DAGLA: variants seen among roughly 807,000 people sequenced by gnomAD.
DAGLA encodes diacylglycerol lipase-alpha.
DAGLA carries 22 observed loss-of-function variants against 102.6 expected under a neutral mutation model. The observed-to-expected ratio is 0.21, with a 90% CI of 0.15 to 0.31. The LOEUF (loss-of-function observed/expected upper bound fraction) is 0.31. Ranked by LOEUF, DAGLA falls within the 10% of genes least tolerant of loss-of-function variation. DAGLA has a pLI of 1.00. For synonymous variants in DAGLA, 578 were observed against 628.9 expected (o/e 0.92, Z 1.21); for missense variants, 927 against 1,446.6 (o/e 0.64, Z 5.83).
At position 61,720,225 on chromosome 11, in the gene DAGLA, T is replaced by C; in HGVS notation, c.70T>C (p.Phe24Leu). 1.2e-6 allele frequency: 2 copies of C among 1,613,920 alleles called. No individual in the cohort carries two copies. The highest frequency in any genetic ancestry group is 1.7e-6 in the Non-Finnish European group (2 of 1,180,018). Residue 24 changes from phenylalanine to leucine, a missense_variant, in exon 2 of 20, where the codon TTC becomes CTC. Coordinates refer to ENST00000257215, the MANE Select transcript of DAGLA (RefSeq NM_006133.3). ...GSDDLVLPAIFLFLLHTTWFV... is the reference protein window; with the variant it reads ...GSDDLVLPAILLFLLHTTWFV... Reference sequence around the variant, plus strand: ...TGATGACCTCGTCCTACCGGCCATCTTCCTCTTTCTCCTGCATACCACCTG... The same window carrying C: ...TGATGACCTCGTCCTACCGGCCATCCTCCTCTTTCTCCTGCATACCACCTG...
intron 16 of DAGLA, among the ~76,000 whole-genome samples, chr11:61,738,991 G>T (rs2135604774): frequency 6.6e-6 from 1 of 152,364 alleles, no homozygotes; most frequent in South Asian, 2.1e-4. Flanking sequence ...GTGGGACTTT[G>T]CCTGCCTGGA....
chr11:61,716,375 G>C lies in DAGLA; in HGVS notation c.-44-3737G>C, dbSNP rs1324884687. Among the ~76,000 whole-genome samples the C allele has an allele frequency of 4.6e-5, 7 of 152,162 alleles. No individual in the cohort carries two copies. The East Asian group carries it at 1.3e-3, about 29-fold the overall frequency. On this transcript the variant is annotated intron_variant, in intron 1 of 19. Coordinates refer to ENST00000257215, the MANE Select transcript of DAGLA (RefSeq NM_006133.3). ...CTGTCAGGGAGGGCTTCAAAGAGGA[G>C]GTGACTTTTAGCTGACCTAGAGAGA...
chr11:61,688,671 T>C (rs2065003453), intron 1 of DAGLA, among the ~76,000 whole-genome samples: 2 of 152,146 alleles, frequency 1.3e-5, no homozygotes, highest in Non-Finnish European at 2.9e-5. Flanking sequence ...GGGCCCTGCT[T>C]CCTCTCCCAT....
In DAGLA at chr11:61,734,793, A is replaced by G; in HGVS notation, c.975-56A>G. On this transcript the variant is annotated intron_variant, in intron 9 of 19. Transcript: ENST00000257215. This position sits in a 1 kb window ranked among gnomAD's most constrained non-coding sequence, Gnocchi z 4.2. ...CTGGTTCCAGGGACAGTGGCAGGAG[A>G]CATTTGTTCCCTCGGGGACTCCCTG... 1 of 1,531,162 alleles carries G rather than the reference A, an allele frequency of 6.5e-7. No individual in the cohort carries two copies. The highest frequency in any genetic ancestry group is 8.9e-7 in the Non-Finnish European group (1 of 1,119,416). 94.8% of individuals were successfully genotyped at this position (1,531,162 alleles called of 1,614,324 possible). A position where few individuals can be genotyped will look rare whatever the true frequency, so the allele number is the denominator to read the frequency against.
intron 1 of DAGLA, among the ~76,000 whole-genome samples, chr11:61,711,814 G>A (rs1161948908): frequency 6.6e-6 from 1 of 152,224 alleles, no homozygotes; most frequent in African/African-American, 2.4e-5. Context: ...CACAGGCCCT[G>A]CAACCTCAGG....
intron 1 of DAGLA, among the ~76,000 whole-genome samples, chr11:61,709,338 G>A (rs959240476): frequency 6.6e-6 from 1 of 152,118 alleles, no homozygotes; most frequent in African/African-American, 2.4e-5. Context: ...TCCACCTCCC[G>A]GTTCAAGCAA....
intron 5 of DAGLA, 118 bp from the exon 6 acceptor site, chr11:61,725,877 T>C (rs1472071400): frequency 2.1e-6 from 2 of 935,944 alleles, no homozygotes; most frequent in Non-Finnish European, 3.4e-6. Flanking sequence ...CAGAACCCAC[T>C]GCGGGAACCC....
At chr11:61,729,729 C>T (rs1040401371) in intron 8 of DAGLA, among the ~76,000 whole-genome samples, 1 of 152,156 alleles carries the variant, frequency 6.6e-6, no homozygotes, top group Admixed American at 6.5e-5. Context: ...TGCCAGGAAG[C>T]CTCGGTGCCA....
rs2065516151 is a variant in DAGLA at position 61,744,344 on chromosome 11, G to A, written c.2984G>A (p.Ser995Asn). The change falls in exon 20 of 20, where the codon AGC (serine) becomes AAC (asparagine). Residue 995 changes from serine to asparagine, a missense_variant. Ser to Asn is a conservative substitution (Grantham distance 46, BLOSUM62 1). Coordinates refer to ENST00000257215, the MANE Select transcript of DAGLA (RefSeq NM_006133.3). ...GISLSPSFPL[S>N]SSGELMDLTP... ...TCACTCTCGCCCTCCTTCCCGCTCA[G>A]CTCCTCGGGTGAGCTCATGGACCTG... is the stretch of plus-strand genomic sequence containing the variant. 1 of 1,612,518 alleles carries A rather than the reference G, an allele frequency of 6.2e-7. No homozygotes were observed. Among genetic ancestry groups the A allele is most frequent in the Non-Finnish European group, 8.5e-7 (1 of 1,179,766 alleles).
chr11:61,697,754 C>G (rs918969816), intron 1 of DAGLA, among the ~76,000 whole-genome samples: 1 of 152,090 alleles, frequency 6.6e-6, no homozygotes, highest in Non-Finnish European at 1.5e-5. Context: ...AATCATAGCT[C>G]AGTGCACTCA....
At chr11:61,718,517 C>T (rs2065255423) in intron 1 of DAGLA, among the ~76,000 whole-genome samples, 1 of 152,098 alleles carries the variant, frequency 6.6e-6, no homozygotes, top group East Asian at 1.9e-4. Context: ...TCGTGTCCAA[C>T]CCTAATCTGA....
chr11:61,707,995 T>G (rs2003019), intron 1 of DAGLA, among the ~76,000 whole-genome samples: 21,762 of 151,322 alleles, frequency 0.14, 2,064 homozygotes, highest in Admixed American at 0.25. Flanking sequence ...ATTTATGTAT[T>G]TATTTATTTA....
chr11:61,692,732 C>G (rs1244397358), intron 1 of DAGLA, among the ~76,000 whole-genome samples: 1 of 152,106 alleles, frequency 6.6e-6, no homozygotes. Flanking sequence ...GGTTTTCTCA[C>G]ACCGAGAAGA....
Position 61,743,757 on chromosome 11 carries a change from C to T in DAGLA, c.2397C>T (p.Gly799=), listed in dbSNP as rs1262305026. The T allele has an allele frequency of 6.2e-7, 1 of 1,612,446 alleles. No homozygotes were observed. The highest frequency in any genetic ancestry group is 1.7e-5 in the Admixed American group (1 of 60,026). ...LYSFDSRRSS[G]FRSIRGSPSL... is the part of the protein sequence containing the mutation. Reference sequence around the variant, plus strand: ...GCTTCGACTCGCGCCGCTCCTCAGGCTTCCGCAGCATCCGGGGCTCCCCCA... The same window carrying T: ...GCTTCGACTCGCGCCGCTCCTCAGGTTTCCGCAGCATCCGGGGCTCCCCCA... Residue 799 remains glycine (G), a synonymous_variant, in exon 20 of 20, where the codon GGC becomes GGT. Transcript: ENST00000257215.
chr11:61,741,344 C>T lies in DAGLA; in HGVS notation c.2166C>T (p.Ser722=), dbSNP rs773374611. ...ELPTADHRNS[S]VRSKSQSEMS... ...CGACTGCAGACCACCGCAACAGCAG[C>T]GTCAGGTGAGCCTTGGCCACTCCCA... Residue 722 remains serine (S), a synonymous_variant, in exon 19 of 20, where the codon AGC becomes AGT. Transcript: ENST00000257215. The T allele has an allele frequency of 9.3e-6, 15 of 1,605,626 alleles. No individual in the cohort carries two copies. Among genetic ancestry groups the T allele is most frequent in the East Asian group, 2.2e-5 (1 of 44,876 alleles).
rs918222585 is a variant in DAGLA at position 61,686,627 on chromosome 11, G to A, written c.-45+6123G>A. Reference sequence around the variant, plus strand: ...CTCCTGCAAACCAGTCCTACACCTGGAGACGGTCCTGGCCAGGGAGCCTGC... The same window carrying A: ...CTCCTGCAAACCAGTCCTACACCTGAAGACGGTCCTGGCCAGGGAGCCTGC... On this transcript the variant is annotated intron_variant, in intron 1 of 19. Coordinates refer to ENST00000257215, the MANE Select transcript of DAGLA (RefSeq NM_006133.3). This position sits in a 1 kb window ranked among gnomAD's most constrained non-coding sequence, Gnocchi z 5.2. Among the ~76,000 whole-genome samples the A allele has an allele frequency of 6.6e-6, 1 of 152,216 alleles. No individual in the cohort carries two copies. The highest frequency in any genetic ancestry group is 1.5e-5 in the Non-Finnish European group (1 of 68,032).
chr11:61,707,610 G>A (rs1214618961), intron 1 of DAGLA, among the ~76,000 whole-genome samples: 1 of 152,278 alleles, frequency 6.6e-6, no homozygotes, highest in African/African-American at 2.4e-5. Flanking sequence ...GGGCTTACCT[G>A]GTCATTTGTG....
At chr11:61,708,273 G>A (rs2065166304) in intron 1 of DAGLA, among the ~76,000 whole-genome samples, 1 of 152,174 alleles carries the variant, frequency 6.6e-6, no homozygotes, top group Admixed American at 6.5e-5. Flanking sequence ...CTCCCAAAGT[G>A]TTGGGATTAC....
chr11:61,715,718 C>T (rs2065230873), intron 1 of DAGLA, among the ~76,000 whole-genome samples: 2 of 152,338 alleles, frequency 1.3e-5, no homozygotes, highest in South Asian at 2.1e-4. Flanking sequence ...TTCCAGACCC[C>T]AGCACCCAGT....
Sources: gnomAD v4.1 joint callset for allele counts (sites outside exome capture counted in the v4.1 genomes callset) on GRCh38, gnomAD v4.1.1 for gene constraint, Gnocchi (gnomAD v3.1) non-coding constraint, MANE v1.5 for transcripts, NCBI Gene and HGNC (gene_info 2026-07-23, HGNC 2026-07-21) for gene names.